NME7: variants seen among roughly 807,000 people sequenced by gnomAD.
The protein encoded by NME7 is NME/NM23 family member 7.
Under a neutral mutation model 49.1 loss-of-function variants are expected in NME7, and 41 were observed. That is an observed-to-expected ratio of 0.83 (90% CI 0.65 to 1.08). NME7 has a LOEUF of 1.08. Ranked by LOEUF, NME7 falls within the 50% of genes least tolerant of loss-of-function variation. NME7 has a pLI of 0.00. For missense variants in NME7, 423 were observed against 463.4 expected, an observed-to-expected ratio of 0.91 and a Z score of 0.80; for synonymous variants, 139 against 150.6, an observed-to-expected ratio of 0.92 and a Z score of 0.56.
chr1:169,352,051 A>G lies in NME7; in HGVS notation c.3+15657T>C, dbSNP rs559344583. 4.6e-5 allele frequency among the ~76,000 whole-genome samples: 7 copies of G among 152,152 alleles called. No homozygotes were observed. In the South Asian group the frequency reaches 1.2e-3, roughly 27 times the overall value. ...ATTCCAAAAAATAGAGGAAGAGGTA[A>G]TATTTCCAAGCTCATTCTATGAGCT... On this transcript the variant is annotated intron_variant, in intron 1 of 11. Coordinates refer to ENST00000367811, the MANE Select transcript of NME7 (RefSeq NM_013330.5).
intron 7 of NME7, among the ~76,000 whole-genome samples, chr1:169,279,106 C>T (rs4497270): frequency 0.083 from 12,613 of 152,246 alleles, 708 homozygotes; most frequent in Admixed American, 0.19. Context: ...TGTGGGGGTG[C>T]CTCCCAGTTA....
intron 3 of NME7, among the ~76,000 whole-genome samples, chr1:169,313,137 T>C (rs994308519): frequency 4.7e-5 from 7 of 149,538 alleles, no homozygotes; most frequent in African/African-American, 1.7e-4. Context: ...AAAAAGTTGA[T>C]ATTTTTAAAA....
chr1:169,238,385 G>A (rs1647945764), intron 7 of NME7, among the ~76,000 whole-genome samples: 1 of 151,744 alleles, frequency 6.6e-6, no homozygotes, highest in Non-Finnish European at 1.5e-5. Context: ...AAATGGGGCT[G>A]ACTTTGAGAT....
intron 6 of NME7, among the ~76,000 whole-genome samples, chr1:169,292,857 AT>A (rs1471261790): frequency 1.3e-5 from 2 of 152,164 alleles, no homozygotes; most frequent in Non-Finnish European, 2.9e-5. Flanking sequence ...AAAGGGAATA[AT>A]TCAAGAAAAT....
intron 1 of NME7, among the ~76,000 whole-genome samples, chr1:169,346,575 C>A (rs1465919197): frequency 6.6e-6 from 1 of 152,168 alleles, no homozygotes; most frequent in Non-Finnish European, 1.5e-5. Flanking sequence ...ATCAGTACCC[C>A]CAACATTCAT....
At chr1:169,168,364 T>A (rs1417596894) in intron 11 of NME7, among the ~76,000 whole-genome samples, 2 of 152,236 alleles carry the variant, frequency 1.3e-5, no homozygotes, top group Non-Finnish European at 2.9e-5. Flanking sequence ...ATACTGAGGT[T>A]GCTGCAGACC....
In NME7 at chr1:169,263,920, G is replaced by A. The variant is rs1489259266; in HGVS notation, c.754+23383C>T. ...GTACCTATCAGCAGAAACCCTACAA[G>A]CCAGAAGAGACTGAGGGCCTATATG... On this transcript the variant is annotated intron_variant, in intron 7 of 11. Coordinates refer to ENST00000367811, the MANE Select transcript of NME7 (RefSeq NM_013330.5). Among the ~76,000 whole-genome samples, 12 of 133,596 alleles carry A rather than the reference G, an allele frequency of 9.0e-5. 4 individuals are homozygous for A. The highest frequency in any genetic ancestry group is 1.6e-4 in the Non-Finnish European group (9 of 56,864). The allele number at this position is 133,596 out of a possible 152,430, so 87.6% of individuals were successfully genotyped here. A position where few individuals can be genotyped will look rare whatever the true frequency, so the allele number is the denominator to read the frequency against.
chr1:169,274,202 T>C (rs1267054193), intron 7 of NME7, among the ~76,000 whole-genome samples: 1 of 133,868 alleles, frequency 7.5e-6, no homozygotes, highest in East Asian at 2.0e-4. Context: ...TGATTTGCAT[T>C]TCTCTGATGG....
chr1:169,180,410 G>A (rs1272233683), intron 10 of NME7, among the ~76,000 whole-genome samples: 1 of 152,078 alleles, frequency 6.6e-6, no homozygotes, highest in African/African-American at 2.4e-5. Flanking sequence ...TACAGATATG[G>A]GTAACTTGGT....
chr1:169,272,278 C>T (rs540951222), intron 7 of NME7, among the ~76,000 whole-genome samples: 2 of 132,250 alleles, frequency 1.5e-5, no homozygotes, highest in South Asian at 2.3e-4. Flanking sequence ...GTTACATGTG[C>T]AATTTTTATT....
intron 1 of NME7, among the ~76,000 whole-genome samples, chr1:169,335,872 T>G (rs1489276237): frequency 1.3e-5 from 2 of 151,250 alleles, no homozygotes; most frequent in Non-Finnish European, 2.9e-5. Context: ...CCAGTAAGGG[T>G]GAGTGAAAAG....
At chr1:169,329,610 G>A (rs1040986030) in intron 1 of NME7, among the ~76,000 whole-genome samples, 6 of 151,930 alleles carry the variant, frequency 3.9e-5, no homozygotes, top group African/African-American at 1.5e-4. Context: ...AGAAGAATTA[G>A]TGAGATTGAA....
intron 1 of NME7, among the ~76,000 whole-genome samples, chr1:169,332,813 G>A (rs1652308060): frequency 6.6e-6 from 1 of 152,076 alleles, no homozygotes; most frequent in African/African-American, 2.4e-5. Context: ...CCAAAAGACA[G>A]GCAATAAAAA....
chr1:169,220,640 A>G (rs12744668), intron 10 of NME7, among the ~76,000 whole-genome samples: 10,678 of 152,294 alleles, frequency 0.07, 1,492 homozygotes, highest in East Asian at 0.67. Context: ...AAATCACTTC[A>G]AAGAAAATAA....
At chr1:169,158,265 A>G (rs959782395) in intron 11 of NME7, among the ~76,000 whole-genome samples, 1 of 152,216 alleles carries the variant, frequency 6.6e-6, no homozygotes, top group African/African-American at 2.4e-5. Flanking sequence ...GATAAAGTTT[A>G]ATTTATAAAT....
intron 1 of NME7, among the ~76,000 whole-genome samples, chr1:169,361,818 A>G (rs1397087329): frequency 2.0e-5 from 3 of 152,040 alleles, no homozygotes; most frequent in Non-Finnish European, 4.4e-5. Flanking sequence ...ACAAAACCAG[A>G]AAAGCTATTA....
At chr1:169,300,862 T>C (rs1006893261) in intron 5 of NME7, among the ~76,000 whole-genome samples, 5 of 152,118 alleles carry the variant, frequency 3.3e-5, no homozygotes, top group African/African-American at 1.2e-4. Context: ...TAAATGGTGC[T>C]GGGATACCTG....
intron 10 of NME7, among the ~76,000 whole-genome samples, chr1:169,185,697 T>C (rs1483079904): frequency 2.6e-5 from 4 of 152,182 alleles, no homozygotes; most frequent in African/African-American, 4.8e-5. Flanking sequence ...ACTAAAATTT[T>C]ATGTTGTCTG....
chr1:169,230,864 T>A, intron 9 of NME7, 45 bp from the exon 10 acceptor site: 1 of 1,327,692 alleles, frequency 7.5e-7, no homozygotes, highest in Non-Finnish European at 1.0e-6. Flanking sequence ...TAACAATTTT[T>A]AACTCTCCCC....
Sources: allele counts gnomAD v4.1 joint callset (sites outside exome capture counted in the v4.1 genomes callset), GRCh38; gene constraint gnomAD v4.1.1; transcripts MANE v1.5; gene names NCBI Gene and HGNC (gene_info 2026-07-23, HGNC 2026-07-21).